SELENOS: variants seen among roughly 807,000 people sequenced by gnomAD.
SELENOS encodes VCP interacting membrane selenoprotein.
In SELENOS, 37 loss-of-function variants were observed where a neutral mutation model predicts 30.2. That is an observed-to-expected ratio of 1.23 (90% CI 0.94 to 1.61). SELENOS has a LOEUF of 1.61. Among genes scored for constraint, SELENOS ranks in the 40% most tolerant of loss-of-function variants. The probability of loss-of-function intolerance (pLI) is 0.00; values close to 1 mark genes in which losing one functional copy is unlikely to be tolerated. For synonymous variants in SELENOS, 119 were observed against 91.6 expected, an observed-to-expected ratio of 1.30 and a Z score of -1.71; for missense variants, 289 against 231.8, an observed-to-expected ratio of 1.25 and a Z score of -1.60.
intron 2 of SELENOS, among the ~76,000 whole-genome samples, chr15:101,276,206 AGCCACCGC>A (rs1287616075): frequency 6.9e-6 from 1 of 144,156 alleles, no homozygotes; most frequent in East Asian, 2.1e-4. Flanking sequence ...TACAGGTGTG[AGCCACCGC>A]GCCCCACCGA....
rs986500879 is a variant in SELENOS, at chr15:101,274,167, T to C, written c.484+253A>G. Reference sequence around the variant, plus strand: ...CACTCATCTGAAGATTGGCAGACAATTCCTCACCCTACTTAGCTCTCCCTC... The same window carrying C: ...CACTCATCTGAAGATTGGCAGACAACTCCTCACCCTACTTAGCTCTCCCTC... On this transcript the variant is annotated intron_variant, in intron 5 of 5. Coordinates refer to ENST00000526049, the MANE Select transcript of SELENOS (RefSeq NM_018445.6). 1.1e-4 allele frequency: 62 copies of C among 543,900 alleles called. No homozygotes were observed. The East Asian group carries it at 1.6e-3, about 14-fold the overall frequency. 33.7% of individuals were successfully genotyped at this position (543,900 alleles called of 1,614,324 possible). A position where few individuals can be genotyped will look rare whatever the true frequency, so the allele number is the denominator to read the frequency against.
chr15:101,273,195 T>C (rs2039289034), intron 5 of SELENOS, among the ~76,000 whole-genome samples: 1 of 151,858 alleles, frequency 6.6e-6, no homozygotes, highest in African/African-American at 2.4e-5. Flanking sequence ...AACTCATACA[T>C]TCAAATAAGG....
At chr15:101,271,088 C>T (rs12438654), downstream of SELENOS, 3 of 152,262 alleles carry the variant, frequency 2.0e-5, no homozygotes, top group South Asian at 2.1e-4. Flanking sequence ...TCTTGATGGA[C>T]GGCAGCAAGG....
rs1596467152 is a variant in SELENOS, at chr15:101,277,468, C to T, written c.-51G>A. On this transcript the variant is annotated 5_prime_UTR_variant, in exon 1 of 6. Coordinates refer to ENST00000526049, the MANE Select transcript of SELENOS (RefSeq NM_018445.6). ...CCCTGCCGCCGCGCCTCCAGCCGGG[C>T]GCTTCCGGTGCGCTCCTACGCACAC... The T allele has an allele frequency of 2.9e-6, 4 of 1,399,164 alleles. No individual in the cohort carries two copies. In the East Asian group the frequency reaches 9.2e-5, roughly 32 times the overall value. 86.7% of individuals were successfully genotyped at this position (1,399,164 alleles called of 1,614,324 possible). A position where few individuals can be genotyped will look rare whatever the true frequency, so the allele number is the denominator to read the frequency against.
At chr15:101,277,145 G>A in intron 1 of SELENOS, 197 bp downstream of exon 1, 2 of 939,670 alleles carry the variant, frequency 2.1e-6, no homozygotes, top group East Asian at 2.6e-5. Context: ...CAGCCGAGCC[G>A]CCCAGGGAAG....
At chr15:101,276,391 G>T in intron 2 of SELENOS, 150 bp downstream of exon 2, 1 of 1,079,100 alleles carries the variant, frequency 9.3e-7, no homozygotes, top group African/African-American at 1.6e-5. Flanking sequence ...TGGGACTACA[G>T]GTGCGTGCCG....
Position 101,276,904 on chromosome 15 carries a change from G to A in SELENOS, c.77-229C>T, listed in dbSNP as rs923468110. The A allele has an allele frequency of 1.4e-5, 8 of 557,546 alleles. No homozygotes were observed. In the African/African-American group the frequency reaches 1.5e-4, roughly 11 times the overall value. 34.5% of individuals were successfully genotyped at this position (557,546 alleles called of 1,614,324 possible). On this transcript the variant is annotated intron_variant, in intron 1 of 5. Coordinates refer to ENST00000526049, the MANE Select transcript of SELENOS (RefSeq NM_018445.6). ...CCATCTGGGGAGTCGGGGGCAGTTAGAGTGTGGAGGGCACAGCAACTGGGT... is the reference window on the plus strand; with the variant it reads ...CCATCTGGGGAGTCGGGGGCAGTTAAAGTGTGGAGGGCACAGCAACTGGGT...
At position 101,275,149 on chromosome 15, in the gene SELENOS, T is replaced by A. The variant is rs117613208; in HGVS notation, c.318+106A>T. 3,780 of 914,224 alleles carry A rather than the reference T, an allele frequency of 4.1e-3. 103 individuals carry two copies. The East Asian group carries it at 0.065, about 16-fold the overall frequency. The allele number at this position is 914,224 out of a possible 1,614,324, so 56.6% of individuals were successfully genotyped here. ...GAAATGCTTATTGAATCTAATGGGATAGGACCTGGTCCTAGAAGCTTATAG... is the reference window on the plus strand; with the variant it reads ...GAAATGCTTATTGAATCTAATGGGAAAGGACCTGGTCCTAGAAGCTTATAG... On this transcript the variant is annotated intron_variant, in intron 3 of 5. Coordinates refer to ENST00000526049, the MANE Select transcript of SELENOS (RefSeq NM_018445.6).
rs1349020662 is a variant in SELENOS at position 101,275,340 on chromosome 15, C to T, written c.233G>A (p.Arg78Gln). ...TCGAGCAGCTGCTAAAGCTTCTTGT[C>T]GTTTAACAACAACATCAGGTTCTAA... ...AAVEPDVVVK[R>Q]QEALAAARLK... Residue 78 changes from arginine to glutamine, a missense_variant, in exon 3 of 6, where the codon CGA becomes CAA. Physicochemically the swap from Arg to Gln is conservative, Grantham distance 43. Transcript: ENST00000526049. The T allele has an allele frequency of 7.0e-6, 11 of 1,576,768 alleles. No individual in the cohort carries two copies. The highest frequency in any genetic ancestry group is 5.8e-5 in the South Asian group (5 of 85,496).
chr15:101,276,977 T>C (rs1385273857), intron 1 of SELENOS: 11 of 525,550 alleles, frequency 2.1e-5, no homozygotes, highest in Middle Eastern at 2.8e-4. Flanking sequence ...GCAAAGGCCT[T>C]TCAGAGCCAC....
chr15:101,276,763 C>CT, intron 1 of SELENOS, 88 bp from the exon 2 acceptor site: 1 of 1,492,728 alleles, frequency 6.7e-7, no homozygotes. Context: ...AGTGTAACTC[C>CT]TGCCCTCAAA....
At chr15:101,274,887 C>A in intron 3 of SELENOS, 1 of 607,674 alleles carries the variant, frequency 1.6e-6, no homozygotes, top group Non-Finnish European at 2.8e-6. Flanking sequence ...TTAAAGAAAG[C>A]AAAATGTTTC....
At chr15:101,271,962 A>G (rs1252135119), downstream of SELENOS, among the ~76,000 whole-genome samples, 1 of 152,252 alleles carries the variant, frequency 6.6e-6, no homozygotes, top group Non-Finnish European at 1.5e-5. Context: ...AAGATGAGTC[A>G]TGGCGTAAGG....
downstream of SELENOS, chr15:101,271,573 C>T (rs1300769468): frequency 6.6e-6 from 1 of 152,042 alleles, no homozygotes; most frequent in Non-Finnish European, 1.5e-5. Context: ...CAGAGCGCTC[C>T]TCAAGAGATT....
Position 101,277,390 on chromosome 15 carries a change from C to A in SELENOS, c.28G>T (p.Ala10Ser). 3 of 1,503,160 alleles carry A rather than the reference C, an allele frequency of 2.0e-6. No homozygotes were observed. The highest frequency in any genetic ancestry group is 2.6e-6 in the Non-Finnish European group (3 of 1,133,788). The allele number at this position is 1,503,160 out of a possible 1,614,324, so 93.1% of individuals were successfully genotyped here. A position where few individuals can be genotyped will look rare whatever the true frequency, so the allele number is the denominator to read the frequency against. MERQEESLS[A>S]RPALETEGLR... ...CCCTCGGTCTCCAGGGCCGGCCGCG[C>A]GGACAGAGACTCCTCTTGGCGTTCC... is the stretch of plus-strand genomic sequence containing the variant. The change falls in exon 1 of 6, where the codon GCG becomes TCG. Residue 10 changes from alanine (A) to serine (S), a missense_variant. Physicochemically the swap from Ala to Ser is moderately conservative, Grantham distance 99. Transcript: ENST00000526049.
rs1293807165 is a variant in SELENOS, at chr15:101,275,269, C to T, written c.304G>A (p.Glu102Lys). 7 of 1,559,458 alleles carry T rather than the reference C, an allele frequency of 4.5e-6. No homozygotes were observed. The highest frequency in any genetic ancestry group is 6.1e-6 in the Non-Finnish European group (7 of 1,152,070). The change falls in exon 3 of 6, where the codon GAA becomes AAA. Residue 102 changes from glutamate to lysine, a missense_variant. Transcript: ENST00000526049. Reference protein sequence around the residue: ...ELNAQVEKHKEKLKQLEEEKR... With the variant: ...ELNAQVEKHKKKLKQLEEEKR... ...CCAGTTCATACTTGTTTCAGTTTTT[C>T]CTTATGCTTTTCAACTTGCGCATTT...
Position 101,277,453 on chromosome 15 carries a change from G to C in SELENOS, c.-36C>G. 1.4e-6 allele frequency: 2 copies of C among 1,418,242 alleles called. No homozygotes were observed. Among genetic ancestry groups the C allele is most frequent in the Non-Finnish European group, 1.8e-6 (2 of 1,095,250 alleles). 87.9% of individuals were successfully genotyped at this position (1,418,242 alleles called of 1,614,324 possible). A position where few individuals can be genotyped will look rare whatever the true frequency, so the allele number is the denominator to read the frequency against. ...GCCGCCGCCGCCCAGCCCTGCCGCCGCGCCTCCAGCCGGGCGCTTCCGGTG... is the reference window on the plus strand; with the variant it reads ...GCCGCCGCCGCCCAGCCCTGCCGCCCCGCCTCCAGCCGGGCGCTTCCGGTG... On this transcript the variant is annotated 5_prime_UTR_variant, in exon 1 of 6. Transcript: ENST00000526049.
chr15:101,272,491 T>A lies in SELENOS; in HGVS notation c.*280A>T. 2.9e-6 allele frequency: 1 copy of A among 349,822 alleles called. No individual in the cohort carries two copies. Among genetic ancestry groups the A allele is most frequent in the Non-Finnish European group, 5.3e-6 (1 of 188,372 alleles). The allele number at this position is 349,822 out of a possible 1,614,324, so 21.7% of individuals were successfully genotyped here. The stretch of plus-strand genomic sequence containing the variant: ...ATTACTAGGCCTCTTTTATCAAGAT[T>A]GCTAATCATCTAGAGGCCTTTACCT... On this transcript the variant is annotated 3_prime_UTR_variant, in exon 6 of 6. Transcript: ENST00000526049.
intron 5 of SELENOS, 57 bp downstream of exon 5, chr15:101,274,363 T>C: frequency 1.3e-6 from 2 of 1,523,664 alleles, no homozygotes; most frequent in Non-Finnish European, 1.8e-6. Context: ...TCCTAAAAGG[T>C]AACTATATCC....
Sources: allele counts gnomAD v4.1 joint callset (sites outside exome capture counted in the v4.1 genomes callset), GRCh38; gene constraint gnomAD v4.1.1; transcripts MANE v1.5; gene names NCBI Gene and HGNC (gene_info 2026-07-23, HGNC 2026-07-21).